TMEM177: variants seen among roughly 807,000 people sequenced by gnomAD.
The protein encoded by TMEM177 is transmembrane protein 177.
In TMEM177, 4 loss-of-function variants were observed where a neutral mutation model predicts 14.2. The ratio of observed to expected loss-of-function variants is 0.28; its 90% CI spans 0.14 to 0.64. The LOEUF (loss-of-function observed/expected upper bound fraction) is 0.64. Ranked by LOEUF, TMEM177 falls within the 30% of genes least tolerant of loss-of-function variation. TMEM177 has a pLI of 0.82. For missense variants in TMEM177, 344 were observed against 405.2 expected (o/e 0.85, Z 1.30); for synonymous variants, 179 against 174.5 (o/e 1.03, Z -0.20).
At chr2:119,695,731 T>C in the TMEM177 span, among the ~76,000 whole-genome samples, 7 of 152,260 alleles carry the variant, frequency 4.6e-5, no homozygotes, top group African/African-American at 1.7e-4. Context: ...TATATGTTAT[T>C]TTTTTGAACT....
At chr2:119,696,908 A>G in the TMEM177 span, among the ~76,000 whole-genome samples, 3,971 of 152,176 alleles carry the variant, frequency 0.026, 54 homozygotes, top group Non-Finnish European at 0.032. Context: ...GATGGACAGG[A>G]GTTTTCCCCA....
At chr2:119,690,288 C>T (rs528505471), downstream of TMEM177, among the ~76,000 whole-genome samples, 1 of 152,078 alleles carries the variant, frequency 6.6e-6, no homozygotes, top group African/African-American at 2.4e-5. Flanking sequence ...GTAGGACGTG[C>T]CTGCTTCCCC....
At chr2:119,692,062 C>G in the TMEM177 span, among the ~76,000 whole-genome samples, 1 of 152,222 alleles carries the variant, frequency 6.6e-6, no homozygotes, top group African/African-American at 2.4e-5. Context: ...CCATCCTGTC[C>G]CGTCAGTGCC....
At chr2:119,702,881 A>G in the TMEM177 span, among the ~76,000 whole-genome samples, 1 of 152,188 alleles carries the variant, frequency 6.6e-6, no homozygotes, top group Non-Finnish European at 1.5e-5. Flanking sequence ...CATCCCTTGG[A>G]TGCTCAAAGC....
In TMEM177 at chr2:119,681,013, C is replaced by G. The variant is rs904430566; in HGVS notation, c.160C>G (p.Pro54Ala). 3 of 1,614,122 alleles carry G rather than the reference C, an allele frequency of 1.9e-6. No individual in the cohort carries two copies. The highest frequency in any genetic ancestry group is 2.2e-5 in the South Asian group (2 of 91,084). ...WLYQYWPQGQ[P>A]APLPPQLQSL... ...CTACCAGTACTGGCCTCAGGGCCAG[C>G]CAGCTCCGCTCCCTCCACAGCTGCA... is the stretch of plus-strand genomic sequence containing the variant. Residue 54 changes from proline (P) to alanine (A), a missense_variant, in exon 2 of 2, where the codon CCA becomes GCA. By Grantham distance (27) the Pro-to-Ala change is conservative. Coordinates refer to ENST00000272521, the MANE Select transcript of TMEM177 (RefSeq NM_030577.3).
the TMEM177 span, among the ~76,000 whole-genome samples, chr2:119,700,423 C>T: frequency 2.6e-5 from 4 of 152,276 alleles, no homozygotes; most frequent in Middle Eastern, 3.4e-3. Flanking sequence ...ACGGTCAACT[C>T]GAGCTTGTCC....
the TMEM177 span, among the ~76,000 whole-genome samples, chr2:119,710,804 G>A: frequency 6.6e-6 from 1 of 151,680 alleles, no homozygotes; most frequent in Non-Finnish European, 1.5e-5. Flanking sequence ...TAGAGACGGT[G>A]TTTCACTGTA....
the TMEM177 span, among the ~76,000 whole-genome samples, chr2:119,703,063 A>G: frequency 6.6e-6 from 1 of 152,232 alleles, no homozygotes; most frequent in African/African-American, 2.4e-5. Context: ...CCGGCTCAGC[A>G]GGAGCCCCCG....
downstream of TMEM177, among the ~76,000 whole-genome samples, chr2:119,684,855 T>C (rs1209978404): frequency 6.6e-6 from 1 of 152,104 alleles, no homozygotes; most frequent in Non-Finnish European, 1.5e-5. Flanking sequence ...TTTAGGAAGA[T>C]TTTTTTATAA....
At chr2:119,683,932 C>T (rs1368459845), downstream of TMEM177, among the ~76,000 whole-genome samples, 3 of 135,160 alleles carry the variant, frequency 2.2e-5, no homozygotes, top group Non-Finnish European at 4.7e-5. Flanking sequence ...CACTGCATGA[C>T]TCACCCAGCA....
the TMEM177 span, among the ~76,000 whole-genome samples, chr2:119,696,751 C>A: frequency 6.6e-6 from 1 of 151,846 alleles, no homozygotes; most frequent in Non-Finnish European, 1.5e-5. Context: ...GCATTCCAGG[C>A]AGAGGGGAGA....
the TMEM177 span, among the ~76,000 whole-genome samples, chr2:119,723,097 G>T: frequency 6.6e-6 from 1 of 152,056 alleles, no homozygotes; most frequent in Non-Finnish European, 1.5e-5. Flanking sequence ...TCATTTTGTT[G>T]TAAGTATCCC....
chr2:119,713,921 C>A, the TMEM177 span, among the ~76,000 whole-genome samples: 17 of 152,352 alleles, frequency 1.1e-4, no homozygotes, highest in Non-Finnish European at 1.2e-4. Context: ...CAGGCTCCAT[C>A]TCCATTTTCT....
Position 119,681,824 on chromosome 2 carries a change from G to T in TMEM177, c.*35G>T. The T allele has an allele frequency of 1.3e-6, 2 of 1,582,046 alleles. No individual in the cohort carries two copies. Among genetic ancestry groups the T allele is most frequent in the South Asian group, 1.2e-5 (1 of 86,266 alleles). On this transcript the variant is annotated 3_prime_UTR_variant, in exon 2 of 2. Coordinates refer to ENST00000272521, the MANE Select transcript of TMEM177 (RefSeq NM_030577.3). Reference sequence around the variant, plus strand: ...CACAAGGACACTTCCAGCTTGTGCAGACACCACCCTGCCATTGAGTCTGGA... The same window carrying T: ...CACAAGGACACTTCCAGCTTGTGCATACACCACCCTGCCATTGAGTCTGGA...
At chr2:119,720,296 C>T in the TMEM177 span, among the ~76,000 whole-genome samples, 20 of 149,676 alleles carry the variant, frequency 1.3e-4, no homozygotes, top group Admixed American at 8.0e-4. Flanking sequence ...TTTTTTGAGA[C>T]GGAGTTTCCC....
chr2:119,697,002 C>T, the TMEM177 span, among the ~76,000 whole-genome samples: 2 of 152,336 alleles, frequency 1.3e-5, no homozygotes, highest in South Asian at 4.1e-4. Flanking sequence ...CTGAGGGAAG[C>T]ACCCTGCCCT....
chr2:119,682,506 G>T (rs1688931821), downstream of TMEM177, among the ~76,000 whole-genome samples: 1 of 152,152 alleles, frequency 6.6e-6, no homozygotes, highest in East Asian at 1.9e-4. Context: ...AAGGTGAGGG[G>T]GCCTTAAGAG....
the TMEM177 span, among the ~76,000 whole-genome samples, chr2:119,703,844 G>A: frequency 6.6e-6 from 1 of 152,216 alleles, no homozygotes. Context: ...GATCCTAAGG[G>A]TGGTAACAGC....
chr2:119,694,541 G>A, the TMEM177 span, among the ~76,000 whole-genome samples: 1 of 152,236 alleles, frequency 6.6e-6, no homozygotes, highest in Non-Finnish European at 1.5e-5. Flanking sequence ...GCTCTGCCCT[G>A]GACCCTGTGT....
Sources: gnomAD v4.1 joint callset for allele counts (sites outside exome capture counted in the v4.1 genomes callset) on GRCh38, gnomAD v4.1.1 for gene constraint, MANE v1.5 for transcripts, NCBI Gene and HGNC (gene_info 2026-07-23, HGNC 2026-07-21) for gene names.